Variants in ZNF441 observed in about 807,000 individuals in gnomAD.
ZNF441 encodes zinc finger protein 441.
A neutral mutation model predicts 64.5 loss-of-function variants in ZNF441; 25 were observed. That is an observed-to-expected ratio of 0.39 (90% CI 0.28 to 0.54). The LOEUF is 0.54. Among genes scored for constraint, ZNF441 ranks in the 20% least tolerant of loss-of-function variants. ZNF441 has a pLI of 0.70. For synonymous variants in ZNF441, 262 were observed against 268.0 expected (o/e 0.98, Z 0.22); for missense variants, 715 against 843.3 (o/e 0.85, Z 1.88).
At position 11,780,836 on chromosome 19, in the gene ZNF441, T is replaced by A; in HGVS notation, c.1012T>A (p.Cys338Ser). Residue 338 changes from cysteine (C) to serine (S), a missense_variant, in exon 4 of 4, where the codon TGT becomes AGT. Cys to Ser is a moderately radical substitution (Grantham distance 112, BLOSUM62 -1). Around this residue, in one of 2 missense-constraint regions of ZNF441, gnomAD observed 399 missense variants for 413.9 expected, o/e 0.96. Coordinates refer to ENST00000357901, the MANE Select transcript of ZNF441 (RefSeq NM_152355.3). ...RTHTGEKPYE[C>S]KYCGKAFSDC... is the part of the protein sequence containing the mutation. ...TCACACTGGAGAGAAACCGTATGAA[T>A]GTAAGTATTGTGGGAAAGCATTCTC... 6.2e-7 allele frequency: 1 copy of A among 1,614,124 alleles called. No homozygotes were observed.
chr19:11,781,029 A>G lies in ZNF441; in HGVS notation c.1205A>G (p.Asp402Gly), dbSNP rs1276236489. Residue 402 changes from aspartate (D) to glycine (G), a missense_variant, in exon 4 of 4, where the codon GAT (aspartate) becomes GGT (glycine). Asp to Gly is a moderately conservative substitution (Grantham distance 94). Transcript: ENST00000357901. ...YKCECGKAFS[D>G]FYYFRNHETT... is the part of the protein sequence containing the mutation. ...TGTGAATGTGGGAAAGCCTTTAGTG[A>G]TTTCTATTACTTTCGAAATCATGAA... The G allele has an allele frequency of 9.3e-6, 15 of 1,613,828 alleles. No homozygotes were observed. The highest frequency in any genetic ancestry group is 1.3e-5 in the Non-Finnish European group (15 of 1,179,982).
In ZNF441 at chr19:11,781,035, A is replaced by G. The variant is rs1975398022; in HGVS notation, c.1211A>G (p.Tyr404Cys). The change falls in exon 4 of 4, where the codon TAT becomes TGT. Residue 404 changes from tyrosine to cysteine, a missense_variant. Tyr to Cys is a radical substitution (Grantham distance 194). This residue lies in a region of ZNF441 where 316 missense variants were observed against 429.3 expected (regional missense o/e 0.74). Transcript: ENST00000357901. ...TGTGGGAAAGCCTTTAGTGATTTCTATTACTTTCGAAATCATGAAACTACT... is the reference window on the plus strand; with the variant it reads ...TGTGGGAAAGCCTTTAGTGATTTCTGTTACTTTCGAAATCATGAAACTACT... ...CECGKAFSDFYYFRNHETTHT... is the reference protein window; with the variant it reads ...CECGKAFSDFCYFRNHETTHT... The G allele has an allele frequency of 1.2e-6, 2 of 1,613,788 alleles. No homozygotes were observed. The highest frequency in any genetic ancestry group is 1.3e-5 in the African/African-American group (1 of 74,834).
Position 11,778,402 on chromosome 19 carries a change from C to T in ZNF441, c.194+9C>T. The T allele has an allele frequency of 6.5e-7, 1 of 1,535,586 alleles. No individual in the cohort carries two copies. Among genetic ancestry groups the T allele is most frequent in the African/African-American group, 1.4e-5 (1 of 72,286 alleles). On this transcript the variant is annotated intron_variant, in intron 3 of 3. Transcript: ENST00000357901. ...CTCAGAAGAAATCTAAGGTAATTTGCACTCACAAGAGAAAGCTGTGTCCTT... is the reference window on the plus strand; with the variant it reads ...CTCAGAAGAAATCTAAGGTAATTTGTACTCACAAGAGAAAGCTGTGTCCTT...
In ZNF441 at chr19:11,781,729, A is replaced by G. The variant is rs764362713; in HGVS notation, c.1905A>G (p.Arg635=). Residue 635 remains arginine (R), a synonymous_variant, in exon 4 of 4, where the codon AGA becomes AGG. Coordinates refer to ENST00000357901, the MANE Select transcript of ZNF441 (RefSeq NM_152355.3). ...CAAGTTACTTACGAATACACGAAAG[A>G]GTTCATACTGGAGAGAAGCCGTATA... ...SHSSYLRIHE[R]VHTGEKPYKC... 11 of 1,613,992 alleles carry G rather than the reference A, an allele frequency of 6.8e-6. No individual in the cohort carries two copies. Among genetic ancestry groups the G allele is most frequent in the South Asian group, 3.3e-5 (3 of 91,092 alleles).
chr19:11,779,409 G>C (rs1306077471), intron 3 of ZNF441, among the ~76,000 whole-genome samples: 7 of 151,750 alleles, frequency 4.6e-5, no homozygotes, highest in Non-Finnish European at 7.4e-5. Flanking sequence ...GTCAAGGTGG[G>C]CAGATTGCTT....
Position 11,780,990 on chromosome 19 carries a change from A to G in ZNF441, c.1166A>G (p.Glu389Gly). 1.2e-6 allele frequency: 2 copies of G among 1,613,956 alleles called. No homozygotes were observed. Among genetic ancestry groups the G allele is most frequent in the Non-Finnish European group, 1.7e-6 (2 of 1,179,986 alleles). The change falls in exon 4 of 4, where the codon GAG (glutamate) becomes GGG (glycine). Residue 389 changes from glutamate (E) to glycine (G), a missense_variant. Coordinates refer to ENST00000357901, the MANE Select transcript of ZNF441 (RefSeq NM_152355.3). Reference protein sequence around the residue: ...CRRHETTHTGEKPYKCECGKA... With the variant: ...CRRHETTHTGGKPYKCECGKA... ...AGGCATGAAACAACTCATACTGGGGAGAAACCCTATAAATGTGAATGTGGG... is the reference window on the plus strand; with the variant it reads ...AGGCATGAAACAACTCATACTGGGGGGAAACCCTATAAATGTGAATGTGGG...
chr19:11,769,864 C>T (rs4352156), intron 1 of ZNF441, among the ~76,000 whole-genome samples: 23,039 of 151,840 alleles, frequency 0.15, 3,753 homozygotes, highest in African/African-American at 0.39. Context: ...TTAGTAGAGA[C>T]GGTGTTTCAC....
rs145630669 is a variant in ZNF441 at position 11,774,787 on chromosome 19, A to T, written c.4-2824A>T. ...CTCAGAGATGGTTTATCTAAATTAA[A>T]TTTTTTTTCCATTGATGAGCTATAT... On this transcript the variant is annotated intron_variant, in intron 1 of 3. Transcript: ENST00000357901. 3.2e-3 allele frequency among the ~76,000 whole-genome samples: 494 copies of T among 152,086 alleles called. 1 individual carries two copies. Among genetic ancestry groups the T allele is most frequent in the African/African-American group, 0.011 (475 of 41,480 alleles).
chr19:11,778,180 G>A (rs1212094440), intron 2 of ZNF441, 150 bp from the exon 3 acceptor site: 1 of 596,692 alleles, frequency 1.7e-6, no homozygotes, highest in Non-Finnish European at 2.9e-6. Context: ...AAATTCATAT[G>A]TAAGTAGACC....
Position 11,781,459 on chromosome 19 carries a change from C to T in ZNF441, c.1635C>T (p.Tyr545=), listed in dbSNP as rs140955421. 5.0e-6 allele frequency: 8 copies of T among 1,613,920 alleles called. No homozygotes were observed. Among genetic ancestry groups the T allele is most frequent in the Non-Finnish European group, 6.8e-6 (8 of 1,180,004 alleles). ...GGAAAGGCTTCAGGTCTTCCAGTTA[C>T]ATTCAACTACATGAAAGGACTCACA... The part of the protein sequence containing the change: ...LCGKGFRSSS[Y]IQLHERTHTG... Residue 545 remains tyrosine (Y), a synonymous_variant, in exon 4 of 4, where the codon TAC becomes TAT. Transcript: ENST00000357901.
rs1975276023 is a variant in ZNF441, at chr19:11,767,092, A to C, written c.-102A>C. On this transcript the variant is annotated 5_prime_UTR_variant, in exon 1 of 4. Coordinates refer to ENST00000357901, the MANE Select transcript of ZNF441 (RefSeq NM_152355.3). This position sits in a 1 kb window ranked among gnomAD's most constrained non-coding sequence, Gnocchi z 5.1. ...CCTGCACTGGGCTCCGGGTTCTGTC[A>C]CTGAGAGACGCCCTGGAACGTCTGT... 1.6e-5 allele frequency: 24 copies of C among 1,535,980 alleles called. No individual in the cohort carries two copies. Among genetic ancestry groups the C allele is most frequent in the Non-Finnish European group, 2.1e-5 (24 of 1,133,780 alleles).
rs539157648 is a variant in ZNF441, at chr19:11,781,150, T to A, written c.1326T>A (p.Thr442=). 1.1e-5 allele frequency: 18 copies of A among 1,613,960 alleles called. No homozygotes were observed. The highest frequency in any genetic ancestry group is 1.4e-5 in the Non-Finnish European group (16 of 1,180,032). ...TTCAAATACATGAAAGAATTCACAC[T>A]GGGGAGAGACCCTATAAATGTAAAC... ...TYLQIHERIH[T]GERPYKCKQC... The change falls in exon 4 of 4, where the codon ACT becomes ACA. Residue 442 remains threonine (T), a synonymous_variant. Coordinates refer to ENST00000357901, the MANE Select transcript of ZNF441 (RefSeq NM_152355.3).
chr19:11,780,041 T>C lies in ZNF441; in HGVS notation c.217T>C (p.Cys73Arg). The C allele has an allele frequency of 6.2e-7, 1 of 1,611,694 alleles. No individual in the cohort carries two copies. Among genetic ancestry groups the C allele is most frequent in the Non-Finnish European group, 8.5e-7 (1 of 1,177,976 alleles). The change falls in exon 4 of 4, where the codon TGT becomes CGT. Residue 73 changes from cysteine to arginine, a missense_variant. Coordinates refer to ENST00000357901, the MANE Select transcript of ZNF441 (RefSeq NM_152355.3). ...NLRCHMVERACEIKDNSQCGG... is the reference protein window; with the variant it reads ...NLRCHMVERAREIKDNSQCGG... ...CAGATGTCATATGGTAGAGAGAGCC[T>C]GTGAAATTAAAGATAATAGTCAATG...
At chr19:11,779,966 T>C (rs1975385359) in intron 3 of ZNF441, 53 bp from the exon 4 acceptor site, 2 of 1,388,192 alleles carry the variant, frequency 1.4e-6, no homozygotes, top group Non-Finnish European at 2.0e-6. Flanking sequence ...TACTTATTAA[T>C]ACAAAATCAT....
At chr19:11,768,605 G>T (rs383884) in intron 1 of ZNF441, among the ~76,000 whole-genome samples, 50,657 of 152,106 alleles carry the variant, frequency 0.33, 8,815 homozygotes, top group Middle Eastern at 0.4. Context: ...CAAGTCTCTT[G>T]TAGTGTCAAG....
intron 1 of ZNF441, among the ~76,000 whole-genome samples, chr19:11,768,350 A>G (rs1417562826): frequency 1.3e-5 from 2 of 152,208 alleles, no homozygotes; most frequent in Non-Finnish European, 2.9e-5. Flanking sequence ...AACATTTCAC[A>G]TGAGAGGAAG....
In ZNF441 at chr19:11,767,261, C is replaced by T. The variant is rs1249086647; in HGVS notation, c.3+65C>T. The T allele has an allele frequency of 3.2e-6, 5 of 1,551,020 alleles. No homozygotes were observed. Among genetic ancestry groups the T allele is most frequent in the East Asian group, 2.4e-5 (1 of 40,874 alleles). ...GAGACTGGTTGGAACCGGCCGGAAC[C>T]GGCTGTGGTGGCACCAGGTCTTCCC... On this transcript the variant is annotated intron_variant, in intron 1 of 3. Coordinates refer to ENST00000357901, the MANE Select transcript of ZNF441 (RefSeq NM_152355.3). The surrounding 1 kb of genome is among the most constrained non-coding windows in gnomAD (Gnocchi z 5.1).
intron 3 of ZNF441, 106 bp from the exon 4 acceptor site, chr19:11,779,912 GA>G (rs527271364): frequency 1.9e-3 from 1,771 of 938,694 alleles, no homozygotes; most frequent in Non-Finnish European, 2.0e-3. Flanking sequence ...ACCTGTCTCA[GA>G]AAAAAAAAAG....
At chr19:11,778,179 T>C (rs1039723929) in intron 2 of ZNF441, 151 bp from the exon 3 acceptor site, 3 of 595,424 alleles carry the variant, frequency 5.0e-6, no homozygotes, top group East Asian at 3.0e-5. Context: ...GAAATTCATA[T>C]GTAAGTAGAC....
Sources: allele counts gnomAD v4.1 joint callset (sites outside exome capture counted in the v4.1 genomes callset), GRCh38; gene constraint gnomAD v4.1.1; regional missense constraint gnomAD v4.1.1; non-coding constraint Gnocchi (gnomAD v3.1); transcripts MANE v1.5; gene names NCBI Gene and HGNC (gene_info 2026-07-23, HGNC 2026-07-21).